The following RNF217 variants were observed in gnomAD, a reference collection of about 807,000 sequenced individuals.
The protein encoded by RNF217 is ring finger protein 217.
In RNF217, 31 loss-of-function variants were observed where a neutral mutation model predicts 57.8. The observed-to-expected ratio is 0.54, with a 90% CI of 0.40 to 0.72. The LOEUF (loss-of-function observed/expected upper bound fraction) is 0.72. Ranked by LOEUF, RNF217 falls within the 30% of genes least tolerant of loss-of-function variation. RNF217 has a pLI of 0.00. For missense variants in RNF217, 696 were observed against 708.3 expected (o/e 0.98, Z 0.20); for synonymous variants, 313 against 294.0 (o/e 1.06, Z -0.66).
intron 2 of RNF217, among the ~76,000 whole-genome samples, chr6:125,055,730 T>C (rs994259783): frequency 2.6e-5 from 4 of 152,176 alleles, no homozygotes; most frequent in African/African-American, 9.7e-5. Context: ...TAATGTTAGA[T>C]GCATAAGGAA....
chr6:125,071,255 T>G (rs547261289), intron 3 of RNF217, among the ~76,000 whole-genome samples: 4 of 152,172 alleles, frequency 2.6e-5, no homozygotes, highest in Non-Finnish European at 5.9e-5. Flanking sequence ...AAACCATATT[T>G]CAAATTTTGA....
chr6:125,018,130 G>A (rs750149463), intron 1 of RNF217, among the ~76,000 whole-genome samples: 3 of 152,190 alleles, frequency 2.0e-5, no homozygotes, highest in Non-Finnish European at 2.9e-5. Flanking sequence ...GACATGGTAT[G>A]AGGGCTCCTT....
At chr6:125,031,972 G>C (rs1484910604) in intron 1 of RNF217, among the ~76,000 whole-genome samples, 2 of 152,170 alleles carry the variant, frequency 1.3e-5, no homozygotes, top group African/African-American at 4.8e-5. Context: ...CAGAATCATG[G>C]TGGGAGGTGA....
intron 1 of RNF217, among the ~76,000 whole-genome samples, chr6:125,012,100 C>T (rs540662639): frequency 1.1e-4 from 16 of 151,722 alleles, no homozygotes; most frequent in Admixed American, 4.6e-4. Context: ...TATGTAGTCT[C>T]GCAAAAGAAA....
At chr6:125,056,900 T>C (rs1787544047) in intron 2 of RNF217, among the ~76,000 whole-genome samples, 1 of 152,056 alleles carries the variant, frequency 6.6e-6, no homozygotes. Flanking sequence ...AGATAAAATA[T>C]CCTCCATGTC....
At chr6:125,020,442 G>A (rs1007982725) in intron 1 of RNF217, among the ~76,000 whole-genome samples, 19 of 152,276 alleles carry the variant, frequency 1.2e-4, no homozygotes, top group Middle Eastern at 3.4e-3. Context: ...TCACAAGTCC[G>A]CCTAGTTTTT....
At chr6:124,978,174 C>T (rs1784036335) in intron 1 of RNF217, among the ~76,000 whole-genome samples, 1 of 152,008 alleles carries the variant, frequency 6.6e-6, no homozygotes, top group South Asian at 2.1e-4. Context: ...GCTCTCCAGG[C>T]AAATATGGGG....
At chr6:125,028,668 A>T (rs1786215287) in intron 1 of RNF217, among the ~76,000 whole-genome samples, 1 of 152,162 alleles carries the variant, frequency 6.6e-6, no homozygotes, top group Non-Finnish European at 1.5e-5. Flanking sequence ...GCAAAATTGC[A>T]CTATATGAAA....
At chr6:125,025,830 G>A (rs1034583963) in intron 1 of RNF217, among the ~76,000 whole-genome samples, 3 of 152,172 alleles carry the variant, frequency 2.0e-5, no homozygotes, top group Admixed American at 2.0e-4. Context: ...TATGAGTGGG[G>A]AACAGAAAGT....
intron 3 of RNF217, among the ~76,000 whole-genome samples, chr6:125,069,927 G>C (rs376914394): frequency 5.9e-5 from 9 of 152,126 alleles, no homozygotes; most frequent in African/African-American, 2.2e-4. Context: ...CTTTAGTGGT[G>C]ATTTCTGAGA....
chr6:124,987,708 T>G (rs1325828351), intron 1 of RNF217, among the ~76,000 whole-genome samples: 1 of 152,138 alleles, frequency 6.6e-6, no homozygotes, highest in East Asian at 1.9e-4. Context: ...ACTGCTAGGC[T>G]CAAGTGATCC....
intron 2 of RNF217, among the ~76,000 whole-genome samples, chr6:125,049,296 A>G (rs186418544): frequency 9.2e-5 from 14 of 152,152 alleles, no homozygotes; most frequent in African/African-American, 3.1e-4. Context: ...TTTATGATAT[A>G]TATGTGTGGT....
chr6:124,984,334 C>T (rs1784291270), intron 1 of RNF217, among the ~76,000 whole-genome samples: 1 of 151,808 alleles, frequency 6.6e-6, no homozygotes, highest in Non-Finnish European at 1.5e-5. Context: ...ATCATTTGAG[C>T]CCAAGTGTTC....
chr6:125,051,145 A>G (rs1787299317), intron 2 of RNF217, among the ~76,000 whole-genome samples: 2 of 151,938 alleles, frequency 1.3e-5, no homozygotes, highest in African/African-American at 4.8e-5. Context: ...TTGAACTTCT[A>G]ACAGCCAAAT....
intron 1 of RNF217, among the ~76,000 whole-genome samples, chr6:124,987,329 T>C (rs1041525563): frequency 1.3e-5 from 2 of 152,194 alleles, no homozygotes; most frequent in East Asian, 3.9e-4. Context: ...TTGAAACTTT[T>C]TTTATTCCCC....
rs1788977166 is a variant in RNF217, at chr6:125,092,307, A to G, written c.*9370A>G. 1 of 152,220 alleles carries G rather than the reference A, an allele frequency of 6.6e-6. No individual in the cohort carries two copies. Among genetic ancestry groups the G allele is most frequent in the Non-Finnish European group, 1.5e-5 (1 of 68,038 alleles). 9.4% of individuals were successfully genotyped at this position (152,220 alleles called of 1,614,324 possible). ...ATTTTAGGGACAAGTCTTTCAAAAG[A>G]CGGACACCTTGTGATATTTTGGAGT... On this transcript the variant is annotated 3_prime_UTR_variant, in exon 6 of 6. Transcript: ENST00000521654.
At chr6:125,064,247 T>G (rs554629028) in intron 3 of RNF217, among the ~76,000 whole-genome samples, 10 of 152,288 alleles carry the variant, frequency 6.6e-5, no homozygotes, top group African/African-American at 2.4e-4. Flanking sequence ...ATAAACCATT[T>G]TTAACTCTCC....
At chr6:125,041,433 A>G (rs1435361362) in intron 1 of RNF217, among the ~76,000 whole-genome samples, 3 of 152,106 alleles carry the variant, frequency 2.0e-5, no homozygotes, top group Non-Finnish European at 4.4e-5. Context: ...TATTGTCTTT[A>G]TATAATACAG....
intron 3 of RNF217, among the ~76,000 whole-genome samples, chr6:125,058,836 A>G (rs1787619723): frequency 2.0e-5 from 3 of 152,154 alleles, no homozygotes; most frequent in African/African-American, 7.2e-5. Flanking sequence ...AGTTTTAAAA[A>G]ATCTTACTGT....
Sources: allele counts gnomAD v4.1 joint callset (sites outside exome capture counted in the v4.1 genomes callset), GRCh38; gene constraint gnomAD v4.1.1; transcripts MANE v1.5; gene names NCBI Gene and HGNC (gene_info 2026-07-23, HGNC 2026-07-21).